Variants in ZNF574 observed in about 807,000 individuals in gnomAD.
ZNF574 encodes zinc finger protein 574.
A neutral mutation model predicts 56.6 loss-of-function variants in ZNF574; 25 were observed. The observed-to-expected ratio is 0.44, with a 90% confidence interval of 0.32 to 0.62. ZNF574 has a LOEUF of 0.62. ZNF574 is among the 20% of genes least tolerant of loss of function. ZNF574 has a pLI of 0.04. For missense variants in ZNF574, 1,065 were observed against 1,218.9 expected (o/e 0.87, Z 1.88); for synonymous variants, 543 against 492.1 (o/e 1.10, Z -1.37).
At chr19:42,076,719 A>G (rs1163843923) in intron 1 of ZNF574, among the ~76,000 whole-genome samples, 2 of 152,168 alleles carry the variant, frequency 1.3e-5, no homozygotes, top group Non-Finnish European at 2.9e-5. Context: ...AATTAAGTTA[A>G]TGCAGGGGAA....
chr19:42,080,675 C>A lies in ZNF574; in HGVS notation c.2069C>A (p.Ala690Glu). ...ARLQAHEAAHAAAGPGEVLAK... is the reference protein window; with the variant it reads ...ARLQAHEAAHEAAGPGEVLAK... ...CTGCAGGCACACGAGGCGGCCCATG[C>A]AGCTGCTGGGCCTGGAGAGGTCCTG... The change falls in exon 2 of 2, where the codon GCA becomes GAA. Residue 690 changes from alanine to glutamate, a missense_variant. Coordinates refer to ENST00000359044, the MANE Select transcript of ZNF574 (RefSeq NM_022752.6). The surrounding 1 kb of genome is among the most constrained non-coding windows in gnomAD (Gnocchi z 8.5). 1 of 1,613,140 alleles carries A rather than the reference C, an allele frequency of 6.2e-7. No homozygotes were observed. The highest frequency in any genetic ancestry group is 8.5e-7 in the Non-Finnish European group (1 of 1,179,896).
Position 42,079,993 on chromosome 19 carries a change from C to T in ZNF574, c.1387C>T (p.Pro463Ser). ...GGAGACCTCAGCAGGGCCCGCTGCC[C>T]CAGGCACCTACCGCTGCCTCCTGTG... ...SEETSAGPAA[P>S]GTYRCLLCSR... The change falls in exon 2 of 2, where the codon CCA becomes TCA. Residue 463 changes from proline (P) to serine (S), a missense_variant. By Grantham distance (74) the Pro-to-Ser change is moderately conservative (BLOSUM62 -1). Transcript: ENST00000359044. This position sits in a 1 kb window ranked among gnomAD's most constrained non-coding sequence, Gnocchi z 4.3. The T allele has an allele frequency of 6.2e-7, 1 of 1,613,954 alleles. No individual in the cohort carries two copies. The highest frequency in any genetic ancestry group is 8.5e-7 in the Non-Finnish European group (1 of 1,180,022).
rs781322328 is a variant in ZNF574 at position 42,080,731 on chromosome 19, C to G, written c.2125C>G (p.Arg709Gly). The G allele has an allele frequency of 3.7e-6, 6 of 1,613,648 alleles. No homozygotes were observed. The East Asian group carries it at 1.3e-4, about 36-fold the overall frequency. The change falls in exon 2 of 2, where the codon CGG becomes GGG. Residue 709 changes from arginine (R) to glycine (G), a missense_variant. Arg to Gly is a moderately radical substitution (Grantham distance 125). Transcript: ENST00000359044. This position sits in a 1 kb window ranked among gnomAD's most constrained non-coding sequence, Gnocchi z 8.5. Reference sequence around the variant, plus strand: ...GGAGCCCCCTGCCCCTCGAGCCCCACGGGCCACTCGTGCACCAGTTGCCTC... The same window carrying G: ...GGAGCCCCCTGCCCCTCGAGCCCCAGGGGCCACTCGTGCACCAGTTGCCTC... ...AKEPPAPRAP[R>G]ATRAPVASPA... is the part of the protein sequence containing the mutation.
chr19:42,070,017 G>C (rs1197843477), intron 1 of ZNF574, among the ~76,000 whole-genome samples: 1 of 152,118 alleles, frequency 6.6e-6, no homozygotes, highest in Non-Finnish European at 1.5e-5. Context: ...GGGGCTCCCG[G>C]TGCTGGGCCT....
At chr19:42,069,422 G>A (rs2076392404) in intron 1 of ZNF574, 1 of 150,654 alleles carries the variant, frequency 6.6e-6, no homozygotes, top group Non-Finnish European at 1.5e-5. Context: ...GGAGCAGGGA[G>A]GAAGGACAGG....
chr19:42,075,577 G>T (rs1000853440), upstream of ZNF574, among the ~76,000 whole-genome samples: 4 of 152,102 alleles, frequency 2.6e-5, no homozygotes, highest in Non-Finnish European at 4.4e-5. Context: ...AAGTGAGTCT[G>T]GAACCTTGGT....
rs577800606 is a variant in ZNF574 at position 42,081,107 on chromosome 19, T to C, written c.2501T>C (p.Phe834Ser). ...CPDCGKSYRS[F>S]SNLWKHRKTH... Reference sequence around the variant, plus strand: ...GACTGTGGCAAGAGCTACCGCTCCTTCTCCAACCTCTGGAAGCACCGCAAG... The same window carrying C: ...GACTGTGGCAAGAGCTACCGCTCCTCCTCCAACCTCTGGAAGCACCGCAAG... The change falls in exon 2 of 2, where the codon TTC becomes TCC. Residue 834 changes from phenylalanine to serine, a missense_variant. Coordinates refer to ENST00000359044, the MANE Select transcript of ZNF574 (RefSeq NM_022752.6). 1.9e-6 allele frequency: 3 copies of C among 1,614,130 alleles called. No individual in the cohort carries two copies. The highest frequency in any genetic ancestry group is 2.7e-5 in the African/African-American group (2 of 75,054).
At chr19:42,076,784 A>T (rs916423538) in intron 1 of ZNF574, among the ~76,000 whole-genome samples, 1 of 152,080 alleles carries the variant, frequency 6.6e-6, no homozygotes, top group Non-Finnish European at 1.5e-5. Flanking sequence ...TTTTGGTGTG[A>T]AGACATTAGG....
chr19:42,071,929 A>G (rs1461778193), upstream of ZNF574, among the ~76,000 whole-genome samples: 1 of 151,654 alleles, frequency 6.6e-6, no homozygotes, highest in Non-Finnish European at 1.5e-5. Flanking sequence ...GCTTGAACCT[A>G]GGAGGCAGAG....
In ZNF574 at chr19:42,079,064, C is replaced by T. The variant is rs780547772; in HGVS notation, c.458C>T (p.Pro153Leu). 1.2e-6 allele frequency: 2 copies of T among 1,614,202 alleles called. No individual in the cohort carries two copies. The highest frequency in any genetic ancestry group is 1.7e-5 in the Admixed American group (1 of 60,024). Residue 153 changes from proline (P) to leucine (L), a missense_variant, in exon 2 of 2, where the codon CCC becomes CTC. Physicochemically the swap from Pro to Leu is moderately conservative, Grantham distance 98. Coordinates refer to ENST00000359044, the MANE Select transcript of ZNF574 (RefSeq NM_022752.6). The surrounding 1 kb of genome is among the most constrained non-coding windows in gnomAD (Gnocchi z 4.3). ...NHRQTHLRAT[P>L]TKAPAPVVLG... Reference sequence around the variant, plus strand: ...CGGCAGACGCACCTCCGGGCCACACCCACCAAGGCTCCTGCCCCTGTTGTC... The same window carrying T: ...CGGCAGACGCACCTCCGGGCCACACTCACCAAGGCTCCTGCCCCTGTTGTC...
rs376417072 is a variant in ZNF574 at position 42,079,898 on chromosome 19, T to C, written c.1292T>C (p.Val431Ala). ...ACACCAGTCCCACCAGAGGAACCTG[T>C]CATTGGTTTCCCTGAGCCAGCCCCA... ...PTTPVPPEEP[V>A]IGFPEPAPAE... The change falls in exon 2 of 2, where the codon GTC becomes GCC. Residue 431 changes from valine to alanine, a missense_variant. By Grantham distance (64) the Val-to-Ala change is moderately conservative (BLOSUM62 0). Coordinates refer to ENST00000359044, the MANE Select transcript of ZNF574 (RefSeq NM_022752.6). The surrounding 1 kb of genome is among the most constrained non-coding windows in gnomAD (Gnocchi z 4.3). 18 of 1,613,960 alleles carry C rather than the reference T, an allele frequency of 1.1e-5. No individual in the cohort carries two copies. Among genetic ancestry groups the C allele is most frequent in the Non-Finnish European group, 1.4e-5 (17 of 1,179,984 alleles).
In ZNF574 at chr19:42,080,533, G is replaced by T; in HGVS notation, c.1927G>T (p.Ala643Ser). The T allele has an allele frequency of 6.2e-7, 1 of 1,613,370 alleles. No homozygotes were observed. The highest frequency in any genetic ancestry group is 8.5e-7 in the Non-Finnish European group (1 of 1,179,844). Residue 643 changes from alanine to serine, a missense_variant, in exon 2 of 2, where the codon GCT becomes TCT. Physicochemically the swap from Ala to Ser is moderately conservative, Grantham distance 99. Transcript: ENST00000359044. This position sits in a 1 kb window ranked among gnomAD's most constrained non-coding sequence, Gnocchi z 8.5. ...GCCCCACCGCTGCCCATCCTGTGGGGCTGCCTTCCCCTCCTCACTGCGGCT... is the reference window on the plus strand; with the variant it reads ...GCCCCACCGCTGCCCATCCTGTGGGTCTGCCTTCCCCTCCTCACTGCGGCT... Reference protein sequence around the residue: ...RQPHRCPSCGAAFPSSLRLRE... With the variant: ...RQPHRCPSCGSAFPSSLRLRE...
Position 42,079,334 on chromosome 19 carries a change from A to G in ZNF574, c.728A>G (p.Glu243Gly). 1 of 1,613,418 alleles carries G rather than the reference A, an allele frequency of 6.2e-7. No homozygotes were observed. Among genetic ancestry groups the G allele is most frequent in the Non-Finnish European group, 8.5e-7 (1 of 1,179,646 alleles). Reference sequence around the variant, plus strand: ...ACTCACTTCCCTGCTCCTGTACCCGAGTCTCAGGAGCCTGCCTTACAGCAG... The same window carrying G: ...ACTCACTTCCCTGCTCCTGTACCCGGGTCTCAGGAGCCTGCCTTACAGCAG... ...QATHFPAPVP[E>G]SQEPALQQEV... Residue 243 changes from glutamate to glycine, a missense_variant, in exon 2 of 2, where the codon GAG (glutamate) becomes GGG (glycine). Glu to Gly is a moderately conservative substitution (Grantham distance 98). Coordinates refer to ENST00000359044, the MANE Select transcript of ZNF574 (RefSeq NM_022752.6). This position sits in a 1 kb window ranked among gnomAD's most constrained non-coding sequence, Gnocchi z 4.3.
At chr19:42,076,950 A>G (rs1176473843) in intron 1 of ZNF574, among the ~76,000 whole-genome samples, 1 of 152,126 alleles carries the variant, frequency 6.6e-6, no homozygotes, top group Non-Finnish European at 1.5e-5. Context: ...AGAAGGATTA[A>G]GTGTATTTTA....
At position 42,079,694 on chromosome 19, in the gene ZNF574, A is replaced by C. The variant is rs755154770; in HGVS notation, c.1088A>C (p.His363Pro). The part of the protein sequence containing the change: ...QHLGDHSSES[H>P]FLCVDCGLAF... ...CTTGGAGACCATAGCAGCGAGTCAC[A>C]CTTCCTGTGTGTAGACTGTGGCCTG... The change falls in exon 2 of 2, where the codon CAC becomes CCC. Residue 363 changes from histidine to proline, a missense_variant. His to Pro is a moderately conservative substitution (Grantham distance 77). Coordinates refer to ENST00000359044, the MANE Select transcript of ZNF574 (RefSeq NM_022752.6). This position sits in a 1 kb window ranked among gnomAD's most constrained non-coding sequence, Gnocchi z 4.3. The C allele has an allele frequency of 6.2e-7, 1 of 1,614,092 alleles. No homozygotes were observed.
At chr19:42,076,710 A>G (rs2076458606) in intron 1 of ZNF574, among the ~76,000 whole-genome samples, 1 of 152,188 alleles carries the variant, frequency 6.6e-6, no homozygotes, top group African/African-American at 2.4e-5. Flanking sequence ...GAGAAAGATA[A>G]TTAAGTTAAT....
At position 42,080,049 on chromosome 19, in the gene ZNF574, G is replaced by T; in HGVS notation, c.1443G>T (p.Leu481=). 1 of 1,614,138 alleles carries T rather than the reference G, an allele frequency of 6.2e-7. No homozygotes were observed. Among genetic ancestry groups the T allele is most frequent in the South Asian group, 1.1e-5 (1 of 91,076 alleles). The change falls in exon 2 of 2, where the codon CTG becomes CTT. Residue 481 remains leucine (L), a synonymous_variant. Coordinates refer to ENST00000359044, the MANE Select transcript of ZNF574 (RefSeq NM_022752.6). The surrounding 1 kb of genome is among the most constrained non-coding windows in gnomAD (Gnocchi z 8.5). ...GTGAATTTGGAAAGGCCTTGCAGCT[G>T]ACCCGGCACCAACGTTTTGTGCATC... ...CSREFGKALQ[L]TRHQRFVHRL... is the part of the protein sequence containing the mutation.
At chr19:42,075,851 G>A (rs1006762998), upstream of ZNF574, among the ~76,000 whole-genome samples, 5 of 152,120 alleles carry the variant, frequency 3.3e-5, no homozygotes, top group Admixed American at 6.5e-5. Flanking sequence ...ACGTCATCGC[G>A]CCGCCCTCCG....
chr19:42,073,814 C>CAAAAAA (rs577928373), upstream of ZNF574, among the ~76,000 whole-genome samples: 2 of 32,062 alleles, frequency 6.2e-5, no homozygotes, highest in Non-Finnish European at 5.6e-5. Context: ...TAGACTGTCT[C>CAAAAAA]AAAAAAAAAA....
Sources: gnomAD v4.1 joint callset for allele counts (sites outside exome capture counted in the v4.1 genomes callset) on GRCh38, gnomAD v4.1.1 for gene constraint, Gnocchi (gnomAD v3.1) non-coding constraint, MANE v1.5 for transcripts, NCBI Gene and HGNC (gene_info 2026-07-23, HGNC 2026-07-21) for gene names.